The following DPH6 variants were observed in gnomAD, a reference collection of about 807,000 sequenced individuals.
DPH6 encodes diphthamine biosynthesis 6.
In DPH6, 33 loss-of-function variants were observed where a neutral mutation model predicts 38.2. The ratio of observed to expected loss-of-function variants is 0.86; its 90% CI spans 0.65 to 1.15. The LOEUF (loss-of-function observed/expected upper bound fraction) is 1.15, where lower values mean the gene tolerates loss of function less well. Among genes scored for constraint, DPH6 ranks in the 50% most tolerant of loss-of-function variants. The pLI is 0.00. For synonymous variants in DPH6, 108 were observed against 103.0 expected (o/e 1.05, Z -0.30); for missense variants, 325 against 320.0 (o/e 1.02, Z -0.12).
chr15:35,344,779 G>T (rs1300794559), intron 3 of DPH6, among the ~76,000 whole-genome samples: 4 of 151,698 alleles, frequency 2.6e-5, no homozygotes, highest in Non-Finnish European at 5.9e-5. Flanking sequence ...TATATATTAG[G>T]CCACAGTTAA....
At chr15:35,174,387 A>G in the DPH6 span, among the ~76,000 whole-genome samples, 3 of 152,324 alleles carry the variant, frequency 2.0e-5, no homozygotes, top group African/African-American at 7.2e-5. Flanking sequence ...GCTTTCAATC[A>G]TTGAGTCCTT....
the DPH6 span, among the ~76,000 whole-genome samples, chr15:35,188,721 T>C: frequency 1.3e-5 from 2 of 152,266 alleles, no homozygotes; most frequent in South Asian, 2.1e-4. Flanking sequence ...TGGTGACACA[T>C]GACTCAGATA....
intron 3 of DPH6, among the ~76,000 whole-genome samples, chr15:35,250,623 G>C (rs1170628495): frequency 6.6e-6 from 1 of 151,838 alleles, no homozygotes; most frequent in Non-Finnish European, 1.5e-5. Context: ...TTTTTTTCAA[G>C]TATTATATAC....
In DPH6 at chr15:35,441,501, G is replaced by A. The variant is rs569977404; in HGVS notation, c.505+9184C>T. ...AGCCATAAAAAAGGATGAGTTCGTC[G>A]CCTTTGCAGGGACATGGATGAAGCT... On this transcript the variant is annotated intron_variant, in intron 5 of 8. Transcript: ENST00000256538. Among the ~76,000 whole-genome samples, 29 of 152,250 alleles carry A rather than the reference G, an allele frequency of 1.9e-4. 1 individual carries two copies. In the Middle Eastern group the frequency reaches 0.02, roughly 107 times the overall value.
At chr15:35,385,417 G>T (rs569123152) in intron 6 of DPH6, among the ~76,000 whole-genome samples, 1 of 152,128 alleles carries the variant, frequency 6.6e-6, no homozygotes, top group South Asian at 2.1e-4. Flanking sequence ...CACATATACA[G>T]CATGGAGTAC....
chr15:35,526,267 A>T (rs2055000606), intron 3 of DPH6, among the ~76,000 whole-genome samples: 1 of 152,214 alleles, frequency 6.6e-6, no homozygotes. Context: ...AATGGCTCCA[A>T]AACCAATCTT....
At chr15:35,176,159 G>C in the DPH6 span, among the ~76,000 whole-genome samples, 3 of 152,138 alleles carry the variant, frequency 2.0e-5, no homozygotes, top group Non-Finnish European at 4.4e-5. Flanking sequence ...TAATTTTTTT[G>C]TAGGATGCTA....
intron 3 of DPH6, among the ~76,000 whole-genome samples, chr15:35,304,875 C>T (rs1296241249): frequency 3.3e-5 from 5 of 151,312 alleles, no homozygotes; most frequent in African/African-American, 9.7e-5. Flanking sequence ...AAATAACAAA[C>T]GAACGTGATA....
chr15:35,538,433 C>T lies in DPH6; in HGVS notation c.153G>A (p.Gln51=). Residue 51 remains glutamine (Q), a synonymous_variant, in exon 3 of 9, where the codon CAG becomes CAA. Coordinates refer to ENST00000256538, the MANE Select transcript of DPH6 (RefSeq NM_080650.4). Reference sequence around the variant, plus strand: ...AGTCAATGGCATGGTGCCCCACTGTCTGATACATGTAGCTATCCAGTTCAT... The same window carrying T: ...AGTCAATGGCATGGTGCCCCACTGTTTGATACATGTAGCTATCCAGTTCAT... ...GSDELDSYMY[Q]TVGHHAIDLY... 1.3e-6 allele frequency: 2 copies of T among 1,587,200 alleles called. No individual in the cohort carries two copies. The highest frequency in any genetic ancestry group is 1.7e-6 in the Non-Finnish European group (2 of 1,160,088).
At chr15:35,438,988 G>A (rs907183626) in intron 5 of DPH6, among the ~76,000 whole-genome samples, 3 of 152,178 alleles carry the variant, frequency 2.0e-5, no homozygotes, top group African/African-American at 7.2e-5. Context: ...GTATTATATG[G>A]TTTTTCTGTA....
chr15:35,188,044 G>A, the DPH6 span, among the ~76,000 whole-genome samples: 1 of 152,110 alleles, frequency 6.6e-6, no homozygotes, highest in African/African-American at 2.4e-5. Context: ...ACATGAGCAG[G>A]GCAGGAGAGG....
chr15:35,252,082 T>C (rs1002066053), intron 3 of DPH6, among the ~76,000 whole-genome samples: 6 of 152,320 alleles, frequency 3.9e-5, no homozygotes, highest in Non-Finnish European at 5.9e-5. Context: ...GCTCACGCCA[T>C]TGCACTCCAG....
At chr15:35,259,246 A>G (rs530992804) in intron 3 of DPH6, among the ~76,000 whole-genome samples, 12 of 152,270 alleles carry the variant, frequency 7.9e-5, no homozygotes, top group African/African-American at 2.9e-4. Context: ...TGGAAAGGCA[A>G]GCATAAGCCA....
intron 1 of DPH6, among the ~76,000 whole-genome samples, chr15:35,545,135 A>C (rs1464337634): frequency 5.3e-5 from 8 of 152,218 alleles, no homozygotes; most frequent in African/African-American, 1.9e-4. Context: ...GACTTAACGA[A>C]AACGTTTATG....
intron 5 of DPH6, among the ~76,000 whole-genome samples, chr15:35,442,056 A>G (rs566308446): frequency 1.3e-5 from 2 of 152,322 alleles, no homozygotes; most frequent in African/African-American, 4.8e-5. Flanking sequence ...AAAACTAAAA[A>G]TGTTTATGCT....
chr15:35,490,308 C>G (rs2054459660), intron 3 of DPH6: 3 of 398,186 alleles, frequency 7.5e-6, no homozygotes, highest in Non-Finnish European at 1.0e-5. Context: ...ATGTGAGTAA[C>G]TAATACATGA....
chr15:35,232,323 T>C (rs1441490852), intron 3 of DPH6, among the ~76,000 whole-genome samples: 1 of 152,190 alleles, frequency 6.6e-6, no homozygotes, highest in Non-Finnish European at 1.5e-5. Context: ...GGCTCATGCC[T>C]GTAATCTCAA....
intron 3 of DPH6, among the ~76,000 whole-genome samples, chr15:35,483,498 A>G (rs1373650416): frequency 6.6e-6 from 1 of 151,954 alleles, no homozygotes; most frequent in Admixed American, 6.6e-5. Flanking sequence ...CAAAAAAACC[A>G]TAATGAGATA....
intron 3 of DPH6, among the ~76,000 whole-genome samples, chr15:35,295,676 C>T (rs545014053): frequency 1.3e-5 from 2 of 152,260 alleles, no homozygotes; most frequent in Admixed American, 1.3e-4. Flanking sequence ...ATCACTCATT[C>T]CCATGGTCAC....
Sources: gnomAD v4.1 joint callset for allele counts (sites outside exome capture counted in the v4.1 genomes callset) on GRCh38, gnomAD v4.1.1 for gene constraint, MANE v1.5 for transcripts, NCBI Gene and HGNC (gene_info 2026-07-23, HGNC 2026-07-21) for gene names.